Variants in UBAP2 observed in about 807,000 individuals in gnomAD.
UBAP2 encodes the protein ubiquitin-associated protein 2.
In UBAP2, 75 loss-of-function variants were observed where a neutral mutation model predicts 139.6. The observed-to-expected ratio is 0.54, with a 90% confidence interval of 0.45 to 0.65. The LOEUF (loss-of-function observed/expected upper bound fraction) is 0.65. UBAP2 is among the 30% of genes least tolerant of loss of function. The probability of loss-of-function intolerance (pLI) is 0.00; values close to 1 mark genes in which losing one functional copy is unlikely to be tolerated. For synonymous variants in UBAP2, 526 were observed against 526.2 expected, an observed-to-expected ratio of 1.00 and a Z score of 0.01; for missense variants, 1,368 against 1,369.6, an observed-to-expected ratio of 1.00 and a Z score of 0.02.
chr9:33,973,266 A>G, intron 6 of UBAP2, 29 bp from the exon 7 acceptor site: 5 of 1,604,524 alleles, frequency 3.1e-6, no homozygotes, highest in Non-Finnish European at 4.3e-6. Context: ...TTATAGTATA[A>G]AATAATACTT....
chr9:33,923,516 A>G, intron 24 of UBAP2, 38 bp from the exon 25 acceptor site: 2 of 1,594,850 alleles, frequency 1.3e-6, no homozygotes, highest in South Asian at 2.2e-5. Context: ...GTGTAGGAAG[A>G]GGCAAGCTGA....
chr9:33,977,932 T>C lies in UBAP2; in HGVS notation c.521-4695A>G, dbSNP rs370853470. On this transcript the variant is annotated intron_variant, in intron 6 of 28. Coordinates refer to ENST00000379238, the MANE Select transcript of UBAP2 (RefSeq NM_001370062.2). ...CGGGAGGCTGAGGCAGGAGAATCCC[T>C]TGAACCCGGGAGGCAGAGGTTGCAG... Among the ~76,000 whole-genome samples, 931 of 150,140 alleles carry C rather than the reference T, an allele frequency of 6.2e-3. 16 individuals carry two copies. Among genetic ancestry groups the C allele is most frequent in the African/African-American group, 0.021 (864 of 40,856 alleles).
In UBAP2 at chr9:33,980,220, C is replaced by CTTTTTTTTTTTTTTTTTTTT. The variant is rs1173781682; in HGVS notation, c.520+6520_520+6539dup. The stretch of plus-strand genomic sequence containing the variant: ...TTAATCCAAATCCTGAGTGTCATTT[C>CTTTTTTTTTTTTTTTTTTTT]TTTTTTTTTTTTTTTTTTTTTTTTT... On this transcript the variant is annotated intron_variant, in intron 6 of 28. Transcript: ENST00000379238. Among the ~76,000 whole-genome samples the CTTTTTTTTTTTTTTTTTTTT allele has an allele frequency of 7.7e-4, 38 of 49,134 alleles. 9 individuals are homozygous for CTTTTTTTTTTTTTTTTTTTT. Among genetic ancestry groups the CTTTTTTTTTTTTTTTTTTTT allele is most frequent in the South Asian group, 2.0e-3 (2 of 1,002 alleles). 32.2% of individuals were successfully genotyped at this position (49,134 alleles called of 152,430 possible).
chr9:34,019,740 T>C (rs1324227198), intron 1 of UBAP2, among the ~76,000 whole-genome samples: 1 of 149,416 alleles, frequency 6.7e-6, no homozygotes, highest in South Asian at 2.1e-4. Flanking sequence ...GAAAAACATG[T>C]AGCAATGCCT....
At chr9:33,937,159 T>C (rs376750003) in intron 16 of UBAP2, among the ~76,000 whole-genome samples, 1 of 151,108 alleles carries the variant, frequency 6.6e-6, no homozygotes, top group Non-Finnish European at 1.5e-5. Context: ...GAAAATTATA[T>C]TGCATGGTAG....
chr9:33,939,206 T>TTTTTTTC lies in UBAP2; in HGVS notation c.1929+2442_1929+2443insGAAAAAA, dbSNP rs575154458. 1.7e-4 allele frequency among the ~76,000 whole-genome samples: 24 copies of TTTTTTTC among 138,312 alleles called. 1 individual carries two copies. The highest frequency in any genetic ancestry group is 2.9e-4 in the Admixed American group (4 of 13,846). 90.7% of individuals were successfully genotyped at this position (138,312 alleles called of 152,430 possible). ...TCCTATGTCTTTTTTTTTTTTTTTT[T>TTTTTTTC]TTTTTGAGATGGAGTCTTGCTCTGT... On this transcript the variant is annotated intron_variant, in intron 16 of 28. Transcript: ENST00000379238.
At chr9:34,015,786 A>G (rs1002791590) in intron 2 of UBAP2, among the ~76,000 whole-genome samples, 1 of 151,992 alleles carries the variant, frequency 6.6e-6, no homozygotes, top group Non-Finnish European at 1.5e-5. Flanking sequence ...CTCCCACCTC[A>G]GCCGCCCAAG....
chr9:34,044,902 G>A (rs1827432341), intron 1 of UBAP2, among the ~76,000 whole-genome samples: 1 of 151,956 alleles, frequency 6.6e-6, no homozygotes, highest in African/African-American at 2.4e-5. Flanking sequence ...GTATTACCTA[G>A]TCTTAAATAA....
At chr9:34,024,271 G>A (rs1484953777) in intron 1 of UBAP2, among the ~76,000 whole-genome samples, 2 of 151,600 alleles carry the variant, frequency 1.3e-5, no homozygotes, top group Non-Finnish European at 2.9e-5. Context: ...GAACCCGGGA[G>A]GAAGAGGTTG....
At chr9:34,046,153 G>A (rs1383734549) in intron 1 of UBAP2, among the ~76,000 whole-genome samples, 5 of 152,260 alleles carry the variant, frequency 3.3e-5, no homozygotes, top group Middle Eastern at 3.4e-3. Flanking sequence ...ATGTGCTTAA[G>A]GGCAGAGAAC....
intron 9 of UBAP2, among the ~76,000 whole-genome samples, chr9:33,962,680 ATAAT>A (rs59415900): frequency 1.0e-4 from 15 of 145,554 alleles, no homozygotes; most frequent in African/African-American, 3.3e-4. Flanking sequence ...AAATAAATAA[ATAAT>A]TAAAAAATAG....
intron 8 of UBAP2, among the ~76,000 whole-genome samples, chr9:33,964,976 G>C (rs1017092913): frequency 1.3e-5 from 2 of 152,150 alleles, no homozygotes; most frequent in Non-Finnish European, 2.9e-5. Context: ...AACTCAATGT[G>C]GCTTTACTTT....
In UBAP2 at chr9:33,973,241, T is replaced by C; in HGVS notation, c.521-4A>G. The C allele has an allele frequency of 6.2e-7, 1 of 1,613,688 alleles. No individual in the cohort carries two copies. Among genetic ancestry groups the C allele is most frequent in the African/African-American group, 1.3e-5 (1 of 74,970 alleles). On this transcript the variant is annotated splice_region_variant and splice_polypyrimidine_tract_variant and intron_variant, in intron 6 of 28. Transcript: ENST00000379238. ...CTCCCTCTGCCACGTCCAAATCCTTTAAAAAAACACACAATTATAGTATAA... is the reference window on the plus strand; with the variant it reads ...CTCCCTCTGCCACGTCCAAATCCTTCAAAAAAACACACAATTATAGTATAA...
chr9:33,978,805 A>C (rs954301204), intron 6 of UBAP2, among the ~76,000 whole-genome samples: 1 of 152,190 alleles, frequency 6.6e-6, no homozygotes. Flanking sequence ...AGAAAGAAAA[A>C]GTAGAGGAAC....
intron 2 of UBAP2, among the ~76,000 whole-genome samples, chr9:34,002,627 C>T (rs1284796927): frequency 6.6e-6 from 1 of 152,072 alleles, no homozygotes; most frequent in Non-Finnish European, 1.5e-5. Flanking sequence ...CCGCCCACCT[C>T]GGCCTCCCAA....
Position 33,922,252 on chromosome 9 carries a change from T to G in UBAP2, c.*252A>C. The stretch of plus-strand genomic sequence containing the variant: ...ATTTTGCTACAGTGGAGAAGGGGCT[T>G]GAATGGGGAGGGCAGACCTGGCTAA... On this transcript the variant is annotated 3_prime_UTR_variant, in exon 29 of 29. Transcript: ENST00000379238. 2 of 486,416 alleles carry G rather than the reference T, an allele frequency of 4.1e-6. No homozygotes were observed. The highest frequency in any genetic ancestry group is 3.8e-5 in the East Asian group (1 of 26,042). 30.1% of individuals were successfully genotyped at this position (486,416 alleles called of 1,614,324 possible). A position where few individuals can be genotyped will look rare whatever the true frequency, so the allele number is the denominator to read the frequency against.
chr9:33,948,261 C>T, intron 13 of UBAP2, 113 bp downstream of exon 13: 1 of 926,306 alleles, frequency 1.1e-6, no homozygotes, highest in Non-Finnish European at 1.5e-6. Flanking sequence ...AAGAGTTCTA[C>T]TAAAAAGAAA....
At chr9:33,984,094 G>A (rs1322964677) in intron 6 of UBAP2, among the ~76,000 whole-genome samples, 1 of 151,918 alleles carries the variant, frequency 6.6e-6, no homozygotes, top group East Asian at 1.9e-4. Context: ...ATTAGAGATG[G>A]AGTTTTACCA....
intron 8 of UBAP2, among the ~76,000 whole-genome samples, chr9:33,969,561 AAAAG>A (rs749489607): frequency 5.3e-5 from 7 of 131,742 alleles, no homozygotes; most frequent in Admixed American, 2.2e-4. Context: ...TAAAAAAAAA[AAAAG>A]AAAGAAAGAA....
Sources: gnomAD v4.1 joint callset for allele counts (sites outside exome capture counted in the v4.1 genomes callset) on GRCh38, gnomAD v4.1.1 for gene constraint, MANE v1.5 for transcripts, NCBI Gene and HGNC (gene_info 2026-07-23, HGNC 2026-07-21) for gene names.